The following DENND5A variants were observed in gnomAD, a reference collection of about 807,000 sequenced individuals.
DENND5A encodes DENN domain-containing protein 5A.
DENND5A carries 64 observed loss-of-function variants against 140.3 expected under a neutral mutation model. That is an observed-to-expected ratio of 0.46 (90% CI 0.37 to 0.56). The LOEUF (loss-of-function observed/expected upper bound fraction) is 0.56, where lower values mean the gene tolerates loss of function less well. DENND5A is among the 20% of genes least tolerant of loss of function. The probability of loss-of-function intolerance (pLI) is 0.00; values close to 1 mark genes in which losing one functional copy is unlikely to be tolerated. For synonymous variants in DENND5A, 605 were observed against 607.7 expected, an observed-to-expected ratio of 1.00 and a Z score of 0.07; for missense variants, 1,292 against 1,593.8, an observed-to-expected ratio of 0.81 and a Z score of 3.22.
intron 10 of DENND5A, among the ~76,000 whole-genome samples, chr11:9,168,356 C>T (rs973790132): frequency 7.2e-5 from 11 of 152,190 alleles, no homozygotes; most frequent in Admixed American, 1.3e-4. Context: ...CTGCCATCCA[C>T]GTTAAGACGT....
rs1448167079 is a variant in DENND5A at position 9,208,883 on chromosome 11, C to T, written c.110-1251G>A. ...ATAGCTGCAGCAACAAGGCCTACAG[C>T]TTATGTAGAGCTAGGCTCAGAGCTT... On this transcript the variant is annotated intron_variant, in intron 1 of 22. Transcript: ENST00000328194. 5.3e-5 allele frequency among the ~76,000 whole-genome samples: 8 copies of T among 152,216 alleles called. No homozygotes were observed. In the East Asian group the frequency reaches 1.5e-3, roughly 29 times the overall value.
intron 4 of DENND5A, among the ~76,000 whole-genome samples, chr11:9,195,109 T>C: frequency 6.8e-6 from 1 of 146,350 alleles, no homozygotes; most frequent in African/African-American, 2.5e-5. Flanking sequence ...TTTGACGGAG[T>C]TTTGCTGTTA....
At chr11:9,242,025 A>AG (rs1350761043) in intron 1 of DENND5A, among the ~76,000 whole-genome samples, 1 of 151,486 alleles carries the variant, frequency 6.6e-6, no homozygotes, top group East Asian at 1.9e-4. Context: ...AAAAAAAAAA[A>AG]AAAAAAAAAA....
chr11:9,238,494 G>A (rs977861515), intron 1 of DENND5A, among the ~76,000 whole-genome samples: 4 of 151,128 alleles, frequency 2.6e-5, no homozygotes, highest in Non-Finnish European at 5.9e-5. Flanking sequence ...TCGGCTCACT[G>A]CAACCTCTGC....
intron 8 of DENND5A, 132 bp from the exon 9 acceptor site, chr11:9,170,909 TTTTCCTGC>T: frequency 6.9e-7 from 1 of 1,454,824 alleles, no homozygotes; most frequent in Non-Finnish European, 9.1e-7. Flanking sequence ...AAGGGACTGA[TTTTCCTGC>T]CTAATAGGAA....
Position 9,195,504 on chromosome 11 carries a change from T to C in DENND5A, c.950-1823A>G, listed in dbSNP as rs762822832. The stretch of plus-strand genomic sequence containing the variant: ...TAAAATCCTTCTGGAATGGCTGGTT[T>C]CAAATGAGCTGTCATAGGAATTAAA... On this transcript the variant is annotated intron_variant, in intron 4 of 22. Transcript: ENST00000328194. 1.7e-3 allele frequency among the ~76,000 whole-genome samples: 264 copies of C among 152,332 alleles called. 1 individual carries two copies. Among genetic ancestry groups the C allele is most frequent in the Non-Finnish European group, 2.6e-3 (177 of 68,022 alleles).
At chr11:9,169,437 ACT>A (rs749368695) in intron 10 of DENND5A, among the ~76,000 whole-genome samples, 1 of 151,708 alleles carries the variant, frequency 6.6e-6, no homozygotes, top group African/African-American at 2.4e-5. Context: ...TAAAAGCGAG[ACT>A]CTGTCTCAAA....
chr11:9,223,632 T>C (rs1053410533), intron 1 of DENND5A, among the ~76,000 whole-genome samples: 3 of 151,838 alleles, frequency 2.0e-5, no homozygotes, highest in Admixed American at 6.6e-5. Flanking sequence ...GGTGGGAGGA[T>C]TGCTCGAGCC....
rs199898256 is a variant in DENND5A at position 9,178,985 on chromosome 11, T to C, written c.1544A>G (p.Gln515Arg). The stretch of plus-strand genomic sequence containing the variant: ...ACGATTTGCAAAAACTTCCCGGATC[T>C]GAATGTTTAGCTGGTAAATCCTGAG... ...EELRIYQLNI[Q>R]IREVFANRFT... The change falls in exon 7 of 23, where the codon CAG becomes CGG. Residue 515 changes from glutamine (Q) to arginine (R), a missense_variant. Physicochemically the swap from Gln to Arg is conservative, Grantham distance 43 (BLOSUM62 1). Coordinates refer to ENST00000328194, the MANE Select transcript of DENND5A (RefSeq NM_015213.4). 1 of 1,614,170 alleles carries C rather than the reference T, an allele frequency of 6.2e-7. No homozygotes were observed. The highest frequency in any genetic ancestry group is 2.2e-5 in the East Asian group (1 of 44,874).
rs770013798 is a variant in DENND5A at position 9,178,864 on chromosome 11, A to G, written c.1665T>C (p.Phe555=). The change falls in exon 7 of 23, where the codon TTT becomes TTC. Residue 555 remains phenylalanine, a synonymous_variant. Transcript: ENST00000328194. ...CAAGCAGGATTACACTCACTTTATC[A>G]AAGTTTTGCATTTGCTCCCTGTTGG... ...WFTNREQMQN[F]DKASFLSDQP... 5.0e-6 allele frequency: 8 copies of G among 1,613,900 alleles called. No homozygotes were observed. In the East Asian group the frequency reaches 1.6e-4, roughly 31 times the overall value.
intron 5 of DENND5A, among the ~76,000 whole-genome samples, chr11:9,185,028 T>C (rs1848861961): frequency 2.6e-5 from 4 of 152,002 alleles, no homozygotes; most frequent in Admixed American, 2.0e-4. Context: ...TCATCTCTAC[T>C]AAAAATACAA....
chr11:9,150,583 T>C, intron 14 of DENND5A, 97 bp downstream of exon 14: 1 of 778,984 alleles, frequency 1.3e-6, no homozygotes, highest in Non-Finnish European at 2.1e-6. Context: ...GCTGAGATGC[T>C]GTAGCAGCCA....
intron 8 of DENND5A, chr11:9,176,821 C>T: frequency 2.2e-6 from 1 of 454,102 alleles, no homozygotes; most frequent in Non-Finnish European, 4.4e-6. Context: ...TCATACTGTT[C>T]AGGGTAACAT....
At chr11:9,224,305 C>T (rs1427114071) in intron 1 of DENND5A, among the ~76,000 whole-genome samples, 1 of 152,178 alleles carries the variant, frequency 6.6e-6, no homozygotes, top group Non-Finnish European at 1.5e-5. Flanking sequence ...CATGATTCAA[C>T]ATATCTCAAG....
At chr11:9,263,848 C>A (rs1326610551) in intron 1 of DENND5A, among the ~76,000 whole-genome samples, 156 of 65,068 alleles carry the variant, frequency 2.4e-3, no homozygotes, top group African/African-American at 5.6e-3. Context: ...GACTCCGTCT[C>A]AAAAAAAAAA....
chr11:9,245,022 T>C (rs113208490), intron 1 of DENND5A, among the ~76,000 whole-genome samples: 29,922 of 147,984 alleles, frequency 0.2, 3,068 homozygotes, highest in African/African-American at 0.23. Context: ...CGGTGGCTCA[T>C]GCCTGTAATC....
At chr11:9,185,202 A>C (rs868588226) in intron 5 of DENND5A, among the ~76,000 whole-genome samples, 3 of 151,996 alleles carry the variant, frequency 2.0e-5, no homozygotes, top group East Asian at 1.9e-4. Context: ...ATTAAAAAAA[A>C]CCCCCAATTA....
At chr11:9,199,770 G>A (rs1337904784) in intron 4 of DENND5A, among the ~76,000 whole-genome samples, 1 of 152,194 alleles carries the variant, frequency 6.6e-6, no homozygotes, top group Non-Finnish European at 1.5e-5. Context: ...CTGCAGTGGT[G>A]ATAGCTTGTT....
chr11:9,230,161 A>G (rs1239024899), intron 1 of DENND5A, among the ~76,000 whole-genome samples: 1 of 148,882 alleles, frequency 6.7e-6, no homozygotes, highest in Non-Finnish European at 1.5e-5. Flanking sequence ...CACCCGTGTC[A>G]GCCTCCCAAA....
Sources: allele counts gnomAD v4.1 joint callset (sites outside exome capture counted in the v4.1 genomes callset), GRCh38; gene constraint gnomAD v4.1.1; transcripts MANE v1.5; gene names NCBI Gene and HGNC (gene_info 2026-07-23, HGNC 2026-07-21).